Variants in RNF32 observed in about 807,000 individuals in gnomAD.
RNF32 encodes the protein ring finger protein 32.
In RNF32, 36 loss-of-function variants were observed where a neutral mutation model predicts 41.0. The ratio of observed to expected loss-of-function variants is 0.88; its 90% CI spans 0.67 to 1.16. RNF32 has a LOEUF of 1.16. Ranked by LOEUF, RNF32 falls within the 50% of genes most tolerant of loss-of-function variation. The pLI is 0.00. For missense variants in RNF32, 413 were observed against 436.7 expected (o/e 0.95, Z 0.48); for synonymous variants, 154 against 160.9 (o/e 0.96, Z 0.32).
chr7:156,658,145 T>G lies in RNF32; in HGVS notation c.468T>G (p.Phe156Leu). The G allele has an allele frequency of 6.2e-7, 1 of 1,613,988 alleles. No homozygotes were observed. Among genetic ancestry groups the G allele is most frequent in the Non-Finnish European group, 8.5e-7 (1 of 1,179,924 alleles). ...TTCTTCAGGCATGTCTTCAGGCTTT[T>G]GAAAAGTTCACAAATAAGAAAACCT... ...HVFHKACLQA[F>L]EKFTNKKTCP... The change falls in exon 6 of 9, where the codon TTT becomes TTG. Residue 156 changes from phenylalanine to leucine, a missense_variant. Coordinates refer to ENST00000317955, the MANE Select transcript of RNF32 (RefSeq NM_030936.4).
chr7:156,664,838 G>A (rs1801133149), intron 7 of RNF32, among the ~76,000 whole-genome samples: 1 of 152,030 alleles, frequency 6.6e-6, no homozygotes, highest in South Asian at 2.1e-4. Flanking sequence ...CATAACATGT[G>A]AAAATGTCAT....
At chr7:156,643,992 T>C (rs988710081) in intron 2 of RNF32, 100 bp downstream of exon 2, 1 of 1,040,146 alleles carries the variant, frequency 9.6e-7, no homozygotes, top group African/African-American at 1.6e-5. Context: ...AAACCCTGCT[T>C]GAACTAGGAA....
intron 1 of RNF32, among the ~76,000 whole-genome samples, chr7:156,642,640 G>A (rs1797504904): frequency 6.6e-6 from 1 of 152,226 alleles, no homozygotes; most frequent in Admixed American, 6.5e-5. Context: ...GTGGCAGGGG[G>A]CTGAGCCCAT....
At chr7:156,663,248 TAAA>T (rs1554445996) in intron 7 of RNF32, among the ~76,000 whole-genome samples, 1 of 152,174 alleles carries the variant, frequency 6.6e-6, no homozygotes, top group Non-Finnish European at 1.5e-5. Context: ...TAAAAAACCA[TAAA>T]GAAAACTAGG....
intron 1 of RNF32, among the ~76,000 whole-genome samples, chr7:156,643,369 G>T (rs1486883078): frequency 6.6e-6 from 1 of 152,128 alleles, no homozygotes; most frequent in East Asian, 1.9e-4. Flanking sequence ...CCCAAAATAA[G>T]CATATCATGC....
intron 3 of RNF32, chr7:156,646,645 C>A: frequency 2.1e-6 from 1 of 483,474 alleles, no homozygotes; most frequent in Non-Finnish European, 3.4e-6. Context: ...TTAGATTAGG[C>A]ATCAATGAGA....
At chr7:156,675,142 A>T (rs1464855167) in intron 7 of RNF32, among the ~76,000 whole-genome samples, 1 of 152,136 alleles carries the variant, frequency 6.6e-6, no homozygotes, top group Non-Finnish European at 1.5e-5. Context: ...GGCGACCCGA[A>T]GGGGCAGCGG....
At chr7:156,662,591 C>T (rs1436402496) in intron 7 of RNF32, among the ~76,000 whole-genome samples, 2 of 151,976 alleles carry the variant, frequency 1.3e-5, no homozygotes, top group African/African-American at 4.8e-5. Flanking sequence ...CTGTCTCTGC[C>T]TGACTGCTTG....
chr7:156,652,653 C>T (rs915395576), intron 3 of RNF32, among the ~76,000 whole-genome samples: 3 of 151,044 alleles, frequency 2.0e-5, no homozygotes, highest in East Asian at 3.9e-4. Flanking sequence ...TTGGCCTAGG[C>T]TAATATGTGT....
At position 156,670,311 on chromosome 7, in the gene RNF32, G is replaced by A. The variant is rs533836919; in HGVS notation, c.685-5385G>A. ...TACACACACATTCTAGTCAGGCCCT[G>A]CCTTCAGCTCACTGAGGAGTCAGGT... On this transcript the variant is annotated intron_variant, in intron 7 of 8. Transcript: ENST00000317955. This position sits in a 1 kb window ranked among gnomAD's most constrained non-coding sequence, Gnocchi z 4.3. Among the ~76,000 whole-genome samples, 10 of 152,306 alleles carry A rather than the reference G, an allele frequency of 6.6e-5. No homozygotes were observed. The East Asian group carries it at 1.9e-3, about 29-fold the overall frequency.
chr7:156,647,986 A>C (rs78083948), intron 3 of RNF32, among the ~76,000 whole-genome samples: 3 of 150,050 alleles, frequency 2.0e-5, no homozygotes. Context: ...CTTTTGGGAA[A>C]TATCTGTTCG....
intron 3 of RNF32, chr7:156,646,381 A>G: frequency 4.6e-6 from 6 of 1,294,212 alleles, no homozygotes; most frequent in Non-Finnish European, 6.1e-6. Context: ...GCGTCACTCC[A>G]ATCTCTGCCT....
Position 156,676,474 on chromosome 7 carries a change from C to CT in RNF32, c.909dup (p.Gly304TrpfsTer58). ...ATCTGCCTGGCCCCTCTCTCCGCTGCTGGCGGTCAGCGCGTGGGTGCAGGC... is the reference window on the plus strand; with the variant it reads ...ATCTGCCTGGCCCCTCTCTCCGCTGCTTGGCGGTCAGCGCGTGGGTGCAGGC... On this transcript the variant is annotated frameshift_variant, in exon 9 of 9. Coordinates refer to ENST00000317955, the MANE Select transcript of RNF32 (RefSeq NM_030936.4). LOFTEE classifies it low-confidence loss of function (END_TRUNC). The CT allele has an allele frequency of 3.1e-6, 5 of 1,614,096 alleles. No homozygotes were observed. Among genetic ancestry groups the CT allele is most frequent in the Non-Finnish European group, 4.2e-6 (5 of 1,179,968 alleles).
At chr7:156,653,328 T>C (rs1378755206) in intron 3 of RNF32, among the ~76,000 whole-genome samples, 1 of 152,216 alleles carries the variant, frequency 6.6e-6, no homozygotes, top group East Asian at 1.9e-4. Flanking sequence ...TGGTGTGTGG[T>C]GGGCTGTACC....
Position 156,644,655 on chromosome 7 carries a change from G to T in RNF32, c.172G>T (p.Ala58Ser). 6.2e-7 allele frequency: 1 copy of T among 1,612,666 alleles called. No homozygotes were observed. The highest frequency in any genetic ancestry group is 8.5e-7 in the Non-Finnish European group (1 of 1,178,848). The part of the protein sequence containing the change: ...ENKSLKRDTK[A>S]IIDTGLKKTT... ...CAAATCTCTAAAAAGAGATACAAAG[G>T]CAATAATAGATACTGGACTTAAAAA... The change falls in exon 3 of 9, where the codon GCA (alanine) becomes TCA (serine). Residue 58 changes from alanine to serine, a missense_variant. Physicochemically the swap from Ala to Ser is moderately conservative, Grantham distance 99. Transcript: ENST00000317955.
At chr7:156,676,018 C>G (rs1325512535) in intron 8 of RNF32, among the ~76,000 whole-genome samples, 155 bp downstream of exon 8, 1 of 138,482 alleles carries the variant, frequency 7.2e-6, no homozygotes, top group Non-Finnish European at 1.6e-5. Context: ...GGTGGCATGT[C>G]GGGGGAGGTC....
chr7:156,648,929 G>C (rs1798331809), intron 3 of RNF32, among the ~76,000 whole-genome samples: 1 of 151,928 alleles, frequency 6.6e-6, no homozygotes, highest in South Asian at 2.1e-4. Flanking sequence ...ACCATTCTGA[G>C]AGTGCAAAGA....
chr7:156,659,879 A>C, intron 7 of RNF32: 1 of 984,576 alleles, frequency 1.0e-6, no homozygotes, highest in Non-Finnish European at 1.2e-6. Flanking sequence ...AACGAAAAAT[A>C]ACAAAAAGCA....
At chr7:156,664,072 C>T (rs888753489) in intron 7 of RNF32, among the ~76,000 whole-genome samples, 4 of 152,196 alleles carry the variant, frequency 2.6e-5, no homozygotes, top group Admixed American at 6.5e-5. Context: ...CAGCTCAGAG[C>T]GGGGAGAGAG....
Sources: gnomAD v4.1 joint callset for allele counts (sites outside exome capture counted in the v4.1 genomes callset) on GRCh38, gnomAD v4.1.1 for gene constraint, Gnocchi (gnomAD v3.1) non-coding constraint, MANE v1.5 for transcripts, NCBI Gene and HGNC (gene_info 2026-07-23, HGNC 2026-07-21) for gene names.